Variants in ASMT observed in about 807,000 individuals in gnomAD.
ASMT encodes the protein acetylserotonin O-methyltransferase.
Under a neutral mutation model 41.3 loss-of-function variants are expected in ASMT, and 53 were observed. That is an observed-to-expected ratio of 1.28 (90% CI 1.03 to 1.61). ASMT has a LOEUF of 1.61. Ranked by LOEUF, ASMT falls within the 40% of genes most tolerant of loss-of-function variation. The pLI is 0.00. For missense variants in ASMT, 531 were observed against 441.3 expected, an observed-to-expected ratio of 1.20 and a Z score of -1.82; for synonymous variants, 231 against 184.8, an observed-to-expected ratio of 1.25 and a Z score of -2.03.
chrX:1,636,913 C>CTGTG (rs1398335387), intron 8 of ASMT, among the ~76,000 whole-genome samples: 1 of 113,020 alleles, frequency 8.8e-6, no homozygotes, highest in East Asian at 3.3e-4. Flanking sequence ...GGCACAGCCT[C>CTGTG]TGTGTGTGAT....
intron 8 of ASMT, among the ~76,000 whole-genome samples, chrX:1,640,587 A>C (rs750240140): frequency 1.3e-4 from 4 of 31,748 alleles, no homozygotes; most frequent in Non-Finnish European, 1.5e-4. Flanking sequence ...TCCTGATGGC[A>C]CATGAGGATG....
chrX:1,629,719 T>C, intron 4 of ASMT, 102 bp from the exon 5 acceptor site: 1 of 1,054,538 alleles, frequency 9.5e-7, no homozygotes, highest in Non-Finnish European at 1.5e-6. Context: ...CAGGTGCACC[T>C]GTGGGGTATA....
At chrX:1,636,135 T>G in intron 7 of ASMT, 3 of 387,322 alleles carry the variant, frequency 7.7e-6, no homozygotes, top group Non-Finnish European at 9.9e-6. Flanking sequence ...TTTTTTGTAT[T>G]TTTAGTAGAG....
intron 2 of ASMT, among the ~76,000 whole-genome samples, chrX:1,623,554 G>A (rs775609622): frequency 8.9e-4 from 135 of 152,238 alleles, no homozygotes; most frequent in African/African-American, 2.6e-3. Context: ...AGCCGAGATC[G>A]TGCCACTGCA....
At chrX:1,623,862 C>T (rs7880188) in intron 2 of ASMT, among the ~76,000 whole-genome samples, 24,239 of 150,986 alleles carry the variant, frequency 0.16, 2,130 homozygotes, top group African/African-American at 0.25. Flanking sequence ...TTGGCCAGGC[C>T]GGTCTCGAGC....
rs1303302698 is a variant in ASMT at position 1,615,196 on chromosome X, C to G, written c.-4C>G. 1.1e-5 allele frequency: 17 copies of G among 1,590,054 alleles called. No individual in the cohort carries two copies. The highest frequency in any genetic ancestry group is 1.4e-5 in the Non-Finnish European group (16 of 1,168,586). Reference sequence around the variant, plus strand: ...CCGGAAGCCACGGCTGGATTGGAGACAAGATGGGATCCTCAGAGGACCAGG... The same window carrying G: ...CCGGAAGCCACGGCTGGATTGGAGAGAAGATGGGATCCTCAGAGGACCAGG... On this transcript the variant is annotated 5_prime_UTR_variant, in exon 1 of 9. Coordinates refer to ENST00000381241, the MANE Select transcript of ASMT (RefSeq NM_001171038.2).
In ASMT at chrX:1,615,605, C is replaced by G. The variant is rs770308209; in HGVS notation, c.69+337C>G. 8.5e-5 allele frequency among the ~76,000 whole-genome samples: 13 copies of G among 152,052 alleles called. No homozygotes were observed. In the East Asian group the frequency reaches 1.7e-3, roughly 20 times the overall value. ...ATCACCTGAGGTCGGGAGTTCGAGA[C>G]CAGCCTGACCCACACAGAGAAACCC... On this transcript the variant is annotated intron_variant, in intron 1 of 8. Coordinates refer to ENST00000381241, the MANE Select transcript of ASMT (RefSeq NM_001171038.2).
chrX:1,631,800 AG>A (rs1934787629), intron 5 of ASMT, among the ~76,000 whole-genome samples: 1 of 152,090 alleles, frequency 6.6e-6, no homozygotes, highest in African/African-American at 2.4e-5. Context: ...CTGTAATCCC[AG>A]CACTTTGGGA....
chrX:1,616,331 T>G (rs73174015), intron 1 of ASMT, among the ~76,000 whole-genome samples: 11,929 of 151,312 alleles, frequency 0.079, 723 homozygotes, highest in Middle Eastern at 0.11. Flanking sequence ...TCGTGCTCAG[T>G]GAAGGAAGGC....
Position 1,630,133 on chromosome X carries a change from C to G in ASMT, c.562+194C>G, listed in dbSNP as rs1934716496. Among the ~76,000 whole-genome samples the G allele has an allele frequency of 2.0e-5, 3 of 148,766 alleles. No individual in the cohort carries two copies. In the South Asian group the frequency reaches 6.5e-4, roughly 32 times the overall value. On this transcript the variant is annotated intron_variant, in intron 5 of 8. Transcript: ENST00000381241. Reference sequence around the variant, plus strand: ...ACATCTCCTCTGCGAGCACACGTTTCTTTTTCTTTTCTTTTTTTAAGATGG... The same window carrying G: ...ACATCTCCTCTGCGAGCACACGTTTGTTTTTCTTTTCTTTTTTTAAGATGG...
chrX:1,615,137 C>A lies in ASMT; in HGVS notation c.-63C>A. 6.7e-7 allele frequency: 1 copy of A among 1,481,742 alleles called. No homozygotes were observed. The highest frequency in any genetic ancestry group is 9.2e-7 in the Non-Finnish European group (1 of 1,082,238). The allele number at this position is 1,481,742 out of a possible 1,614,324, so 91.8% of individuals were successfully genotyped here. A position where few individuals can be genotyped will look rare whatever the true frequency, so the allele number is the denominator to read the frequency against. On this transcript the variant is annotated 5_prime_UTR_variant, in exon 1 of 9. Coordinates refer to ENST00000381241, the MANE Select transcript of ASMT (RefSeq NM_001171038.2). ...GGCTCTTCCCCACCTTGCCAGCAGG[C>A]TCTGTGCTCCTTGAAGCAAGCGCTC...
intron 8 of ASMT, among the ~76,000 whole-genome samples, chrX:1,636,976 A>G (rs1430380432): frequency 3.4e-4 from 25 of 73,776 alleles, no homozygotes; most frequent in Admixed American, 1.5e-3. Flanking sequence ...ATGGCACATG[A>G]GGATGTGGGC....
At chrX:1,623,775 C>G (rs1396823734) in intron 2 of ASMT, among the ~76,000 whole-genome samples, 1 of 151,992 alleles carries the variant, frequency 6.6e-6, no homozygotes, top group African/African-American at 2.4e-5. Context: ...GTTGGCCAGG[C>G]TGGTCTCGAG....
At chrX:1,625,622 A>G (rs1205122819) in intron 3 of ASMT, among the ~76,000 whole-genome samples, 1 of 142,710 alleles carries the variant, frequency 7.0e-6, no homozygotes, top group Non-Finnish European at 1.5e-5. Context: ...GAAGGAAAGA[A>G]AGAGAGAGAG....
At chrX:1,617,499 CG>C (rs1376040435) in intron 1 of ASMT, among the ~76,000 whole-genome samples, 2 of 151,886 alleles carry the variant, frequency 1.3e-5, no homozygotes, top group African/African-American at 4.8e-5. Flanking sequence ...CCAGCATCAT[CG>C]TGAAAGGGGG....
chrX:1,616,797 C>T (rs1934137512), intron 1 of ASMT, among the ~76,000 whole-genome samples: 2 of 151,462 alleles, frequency 1.3e-5, no homozygotes, highest in Non-Finnish European at 1.5e-5. Context: ...CAAGCTCCAC[C>T]TCCCAGGTTC....
intron 1 of ASMT, among the ~76,000 whole-genome samples, chrX:1,619,554 T>A (rs1412348554): frequency 7.7e-6 from 1 of 130,104 alleles, no homozygotes; most frequent in Non-Finnish European, 1.6e-5. Context: ...TAAAGTATAA[T>A]AATAATAATA....
intron 1 of ASMT, among the ~76,000 whole-genome samples, chrX:1,621,186 G>A (rs1301875861): frequency 6.6e-6 from 1 of 152,176 alleles, no homozygotes. Context: ...AAGTATCCTG[G>A]AAGACACGTG....
chrX:1,636,749 C>T, intron 8 of ASMT, 189 bp downstream of exon 8: 1 of 378,824 alleles, frequency 2.6e-6, no homozygotes, highest in Non-Finnish European at 3.6e-6. Flanking sequence ...GATAAAACCA[C>T]ATAAAGATGG....
Sources: gnomAD v4.1 joint callset for allele counts (sites outside exome capture counted in the v4.1 genomes callset) on GRCh38, gnomAD v4.1.1 for gene constraint, MANE v1.5 for transcripts, NCBI Gene and HGNC (gene_info 2026-07-23, HGNC 2026-07-21) for gene names.